Variants in MARCHF1 observed in about 807,000 individuals in gnomAD.
MARCHF1 encodes the protein membrane associated ring-CH-type finger 1.
MARCHF1 carries 40 observed loss-of-function variants against 54.2 expected under a neutral mutation model. That is an observed-to-expected ratio of 0.74 (90% CI 0.57 to 0.96). The LOEUF is 0.96. Ranked by LOEUF, MARCHF1 falls within the 40% of genes least tolerant of loss-of-function variation. The pLI is 0.00. For synonymous variants in MARCHF1, 236 were observed against 236.3 expected (o/e 1.00, Z 0.01); for missense variants, 586 against 656.5 (o/e 0.89, Z 1.17).
intron 8 of MARCHF1, among the ~76,000 whole-genome samples, chr4:163,563,313 G>A (rs1336041521): frequency 6.6e-6 from 1 of 152,216 alleles, no homozygotes. Context: ...GGGTGGCTAA[G>A]AAACTTGCCT....
At chr4:163,612,069 T>A (rs1282999623) in intron 7 of MARCHF1, among the ~76,000 whole-genome samples, 1 of 152,072 alleles carries the variant, frequency 6.6e-6, no homozygotes, top group African/African-American at 2.4e-5. Flanking sequence ...GATATCTAAT[T>A]GTACTTGGTA....
At chr4:164,259,713 A>G (rs1236376713) in intron 1 of MARCHF1, among the ~76,000 whole-genome samples, 2 of 152,142 alleles carry the variant, frequency 1.3e-5, no homozygotes, top group Admixed American at 1.3e-4. Flanking sequence ...GTAGGTATAT[A>G]TAGGTAAATT....
chr4:164,133,943 C>T lies in MARCHF1; in HGVS notation c.-322-22281G>A, dbSNP rs186263475. The stretch of plus-strand genomic sequence containing the variant: ...TGTATTAGATAAAGATTATACTCTT[C>T]GCATATATGTCACTTTCTTAATTAT... On this transcript the variant is annotated intron_variant, in intron 1 of 9. Transcript: ENST00000514618. Among the ~76,000 whole-genome samples the T allele has an allele frequency of 2.2e-3, 338 of 152,230 alleles. 1 individual carries two copies. The highest frequency in any genetic ancestry group is 7.8e-3 in the African/African-American group (325 of 41,540).
chr4:164,326,030 A>G (rs1735272503), intron 1 of MARCHF1, among the ~76,000 whole-genome samples: 1 of 152,162 alleles, frequency 6.6e-6, no homozygotes, highest in Non-Finnish European at 1.5e-5. Context: ...AAGTGCTTGA[A>G]AACATTTCTT....
chr4:163,763,446 T>C (rs1349718283), intron 4 of MARCHF1, among the ~76,000 whole-genome samples: 1 of 152,056 alleles, frequency 6.6e-6, no homozygotes, highest in East Asian at 1.9e-4. Context: ...ATCTGTAGAC[T>C]GTAAAACTTC....
rs932685970 is a variant in MARCHF1, at chr4:164,171,771, G to A, written c.-322-60109C>T. On this transcript the variant is annotated intron_variant, in intron 1 of 9. Transcript: ENST00000514618. ...TCATCTCATTGGAAACTGGGCTGAG[G>A]AAGAAAAGGCATTCAGCCTTTTAAA... Among the ~76,000 whole-genome samples, 11 of 152,264 alleles carry A rather than the reference G, an allele frequency of 7.2e-5. No homozygotes were observed. The East Asian group carries it at 1.9e-3, about 27-fold the overall frequency.
chr4:163,868,266 T>A (rs1750097492), intron 3 of MARCHF1, among the ~76,000 whole-genome samples: 1 of 151,734 alleles, frequency 6.6e-6, no homozygotes, highest in Non-Finnish European at 1.5e-5. Flanking sequence ...ATGAGAAAAA[T>A]TTATGACCCA....
chr4:164,332,063 T>C (rs1436260321), intron 1 of MARCHF1, among the ~76,000 whole-genome samples: 1 of 152,182 alleles, frequency 6.6e-6, no homozygotes, highest in Non-Finnish European at 1.5e-5. Context: ...CCCTTACAAC[T>C]TAGCCTTTCT....
At chr4:164,300,334 C>A (rs1734523164) in intron 1 of MARCHF1, among the ~76,000 whole-genome samples, 1 of 152,020 alleles carries the variant, frequency 6.6e-6, no homozygotes, top group Non-Finnish European at 1.5e-5. Flanking sequence ...TATTTCTGGC[C>A]ACAGTGAGCT....
At chr4:163,800,330 TTTAA>T (rs1382590227) in intron 4 of MARCHF1, among the ~76,000 whole-genome samples, 1 of 152,010 alleles carries the variant, frequency 6.6e-6, no homozygotes, top group Non-Finnish European at 1.5e-5. Context: ...ATTCTAAACA[TTTAA>T]TTATATATTA....
chr4:163,785,350 G>A (rs1178977422), intron 4 of MARCHF1, among the ~76,000 whole-genome samples: 1 of 152,038 alleles, frequency 6.6e-6, no homozygotes, highest in Non-Finnish European at 1.5e-5. Context: ...TCATCCATTT[G>A]TATAGCTTGC....
At chr4:163,987,391 A>G (rs1752889134) in intron 3 of MARCHF1, among the ~76,000 whole-genome samples, 2 of 152,222 alleles carry the variant, frequency 1.3e-5, no homozygotes, top group Admixed American at 1.3e-4. Flanking sequence ...ACATTTTCAA[A>G]ATCAGTTCAA....
At chr4:163,646,796 G>T (rs6821107) in intron 5 of MARCHF1, among the ~76,000 whole-genome samples, 1 of 151,750 alleles carries the variant, frequency 6.6e-6, no homozygotes, top group South Asian at 2.1e-4. Flanking sequence ...AAAACATGCC[G>T]CTGCAAAAAA....
intron 4 of MARCHF1, among the ~76,000 whole-genome samples, chr4:163,723,362 T>A (rs1337034729): frequency 6.6e-6 from 1 of 152,208 alleles, no homozygotes; most frequent in Non-Finnish European, 1.5e-5. Context: ...CCCACTCTCT[T>A]CTGGCTTGTA....
chr4:163,592,478 C>T (rs1740623125), intron 7 of MARCHF1, among the ~76,000 whole-genome samples: 1 of 151,972 alleles, frequency 6.6e-6, no homozygotes, highest in African/African-American at 2.4e-5. Flanking sequence ...TAACTCTATT[C>T]CTGGAGCTGA....
intron 1 of MARCHF1, among the ~76,000 whole-genome samples, chr4:164,232,257 T>A (rs1304493842): frequency 6.6e-6 from 1 of 152,148 alleles, no homozygotes; most frequent in Non-Finnish European, 1.5e-5. Context: ...AATACAGTTA[T>A]CACACGACAT....
At chr4:164,238,551 T>C (rs1732633945) in intron 1 of MARCHF1, among the ~76,000 whole-genome samples, 1 of 152,026 alleles carries the variant, frequency 6.6e-6, no homozygotes, top group African/African-American at 2.4e-5. Flanking sequence ...GGAGGGTAGA[T>C]TTTAAGTTAA....
At chr4:163,529,102 C>G in intron 9 of MARCHF1, 56 bp from the exon 10 acceptor site, 2 of 1,368,534 alleles carry the variant, frequency 1.5e-6, no homozygotes, top group South Asian at 2.8e-5. Context: ...TGGATTTGGT[C>G]ATTTTTTTTT....
chr4:163,642,965 G>GTT (rs1426801027), intron 5 of MARCHF1, among the ~76,000 whole-genome samples: 2 of 150,558 alleles, frequency 1.3e-5, no homozygotes, highest in Non-Finnish European at 2.9e-5. Context: ...ATACATATGT[G>GTT]TATGTGTGTG....
Sources: allele counts gnomAD v4.1 joint callset (sites outside exome capture counted in the v4.1 genomes callset), GRCh38; gene constraint gnomAD v4.1.1; transcripts MANE v1.5; gene names NCBI Gene and HGNC (gene_info 2026-07-23, HGNC 2026-07-21).